Variants in MTCL1 observed in about 807,000 individuals in gnomAD.
MTCL1 encodes the protein microtubule crosslinking factor 1, also known as microtubule cross-linking factor 1.
MTCL1 carries 79 observed loss-of-function variants against 141.4 expected under a neutral mutation model. The observed-to-expected ratio is 0.56, with a 90% CI of 0.47 to 0.67. MTCL1 has a LOEUF of 0.67. MTCL1 is among the 30% of genes least tolerant of loss of function. MTCL1 has a pLI of 0.00. For missense variants in MTCL1, 2,177 were observed against 2,113.9 expected (o/e 1.03, Z -0.59); for synonymous variants, 914 against 875.8 (o/e 1.04, Z -0.77).
At chr18:8,775,301 T>C (rs1483818389) in intron 4 of MTCL1, among the ~76,000 whole-genome samples, 1 of 151,336 alleles carries the variant, frequency 6.6e-6, no homozygotes, top group African/African-American at 2.4e-5. Context: ...CCGGGCACGG[T>C]GGCTCAATCC....
At chr18:8,729,046 C>T (rs917403871) in intron 4 of MTCL1, among the ~76,000 whole-genome samples, 1 of 149,580 alleles carries the variant, frequency 6.7e-6, no homozygotes, top group African/African-American at 2.5e-5. Context: ...GGATTGCTTG[C>T]TTATTGTACT....
In MTCL1 at chr18:8,825,559, A is replaced by C. The variant is rs764920074; in HGVS notation, c.4049A>C (p.Lys1350Thr). 4 of 1,612,716 alleles carry C rather than the reference A, an allele frequency of 2.5e-6. No homozygotes were observed. In the African/African-American group the frequency reaches 4.0e-5, roughly 16 times the overall value. ...AGCCCCCACAAGTGTCTCACTCCAA[A>C]GGCTGGGGGCGGTGCTACACCCGTG... The change falls in exon 15 of 17, where the codon AAG (lysine) becomes ACG (threonine). Residue 1350 changes from lysine to threonine, a missense_variant. Physicochemically the swap from Lys to Thr is moderately conservative, Grantham distance 78. Transcript: ENST00000359865.
intron 4 of MTCL1, among the ~76,000 whole-genome samples, chr18:8,737,739 A>C (rs1357867260): frequency 6.6e-6 from 1 of 152,128 alleles, no homozygotes; most frequent in Non-Finnish European, 1.5e-5. Context: ...GTAGCCCTTG[A>C]CTACTTTCAG....
chr18:8,732,958 C>CA (rs2096258304), intron 4 of MTCL1, among the ~76,000 whole-genome samples: 1 of 152,374 alleles, frequency 6.6e-6, no homozygotes, highest in South Asian at 2.1e-4. Flanking sequence ...TGAACGTAGA[C>CA]ACTGTTCATC....
chr18:8,772,843 C>T (rs1266437220), intron 4 of MTCL1, among the ~76,000 whole-genome samples: 1 of 151,712 alleles, frequency 6.6e-6, no homozygotes, highest in African/African-American at 2.4e-5. Context: ...AACATGAGGA[C>T]TATAATGAGT....
chr18:8,760,958 A>G (rs2096429210), intron 4 of MTCL1, among the ~76,000 whole-genome samples: 1 of 152,230 alleles, frequency 6.6e-6, no homozygotes, highest in Non-Finnish European at 1.5e-5. Flanking sequence ...TCCAGAGAGA[A>G]GAAACTGCCT....
exon 12 of MTCL1, chr18:8,813,035 G>A: frequency 6.2e-7 from 1 of 1,614,188 alleles, no homozygotes; most frequent in Non-Finnish European, 8.5e-7. Context: ...CTGAGAGCAA[G>A]GGGGCCTTGA....
intron 4 of MTCL1, among the ~76,000 whole-genome samples, chr18:8,762,701 G>A (rs899521423): frequency 1.3e-5 from 2 of 152,222 alleles, no homozygotes; most frequent in African/African-American, 4.8e-5. Flanking sequence ...ACTGATAGCT[G>A]AAAGGGAGGT....
At chr18:8,785,472 C>T (rs1437295312) in intron 6 of MTCL1, among the ~76,000 whole-genome samples, 2 of 152,098 alleles carry the variant, frequency 1.3e-5, no homozygotes, top group African/African-American at 2.4e-5. Context: ...GGAGGGTCTC[C>T]GAGGACTGCT....
intron 10 of MTCL1, 59 bp downstream of exon 9, chr18:8,798,350 G>A: frequency 1.4e-6 from 2 of 1,379,350 alleles, no homozygotes; most frequent in East Asian, 5.8e-5. Context: ...AGGCTCCTAA[G>A]CTGCATTTGG....
At chr18:8,796,094 C>A in intron 8 of MTCL1, 138 bp from the exon 8 acceptor site, 1 of 774,092 alleles carries the variant, frequency 1.3e-6, no homozygotes, top group Non-Finnish European at 2.1e-6. Flanking sequence ...TCAAACTGAA[C>A]TTCTGGGGAC....
chr18:8,801,446 C>G lies in MTCL1; in HGVS notation c.2436+3155C>G, dbSNP rs1203319471. 2.0e-5 allele frequency among the ~76,000 whole-genome samples: 3 copies of G among 152,080 alleles called. No homozygotes were observed. In the South Asian group the frequency reaches 6.2e-4, roughly 32 times the overall value. ...GGCCTCCCCTATAAGGCGTGCTACTCTTTCTGTAAGAGGAACCAGACCAGA... is the reference window on the plus strand; with the variant it reads ...GGCCTCCCCTATAAGGCGTGCTACTGTTTCTGTAAGAGGAACCAGACCAGA... On this transcript the variant is annotated intron_variant, in intron 10 of 16. Coordinates refer to ENST00000359865, the Ensembl canonical transcript of MTCL1.
chr18:8,801,697 C>G (rs2076129594), intron 10 of MTCL1: 1 of 152,250 alleles, frequency 6.6e-6, no homozygotes, highest in Admixed American at 6.5e-5. Flanking sequence ...AAATAAGTCT[C>G]TTCCCTAATG....
intron 8 of MTCL1, among the ~76,000 whole-genome samples, chr18:8,794,727 A>C (rs2075854589): frequency 6.6e-6 from 1 of 152,182 alleles, no homozygotes; most frequent in Admixed American, 6.5e-5. Context: ...ACATGTTTGC[A>C]GTTTTGTTTC....
In MTCL1 at chr18:8,824,834, C is replaced by CT; in HGVS notation, c.3324_3325insT (p.Ile1109TyrfsTer103). 1 of 1,614,154 alleles carries CT rather than the reference C, an allele frequency of 6.2e-7. No homozygotes were observed. Among genetic ancestry groups the CT allele is most frequent in the Non-Finnish European group, 8.5e-7 (1 of 1,180,032 alleles). On this transcript the variant is annotated frameshift_variant, in exon 15 of 17. Coordinates refer to ENST00000359865, the Ensembl canonical transcript of MTCL1. LOFTEE classifies it high-confidence loss of function. Reference sequence around the variant, plus strand: ...CCCTGTCTCCAGACGACCTCAAGTACATCGAGGAGTTCAACAAGAGCTGGG... The same window carrying CT: ...CCCTGTCTCCAGACGACCTCAAGTACTATCGAGGAGTTCAACAAGAGCTGGG...
intron 4 of MTCL1, among the ~76,000 whole-genome samples, chr18:8,729,712 A>G (rs1168768419): frequency 9.9e-5 from 1 of 10,054 alleles, no homozygotes; most frequent in Non-Finnish European, 1.6e-4. Flanking sequence ...ATATATATAT[A>G]TATATATATA....
chr18:8,798,172 C>T, exon 10 of MTCL1: 1 of 1,598,412 alleles, frequency 6.3e-7, no homozygotes, highest in Non-Finnish European at 8.5e-7. Context: ...TGGCCCAGAC[C>T]ACGACAGTGA....
chr18:8,716,599 C>T (rs1282582460), upstream of MTCL1, among the ~76,000 whole-genome samples: 4 of 124,312 alleles, frequency 3.2e-5, no homozygotes. Context: ...TTGTCTGAGG[C>T]TCGGATGTTG....
intron 4 of MTCL1, among the ~76,000 whole-genome samples, chr18:8,775,409 A>G (rs918830591): frequency 8.0e-6 from 1 of 125,242 alleles, no homozygotes; most frequent in African/African-American, 3.3e-5. Flanking sequence ...CGTCTCTACT[A>G]AAAAAAAAAA....
Sources: gnomAD v4.1 joint callset for allele counts (sites outside exome capture counted in the v4.1 genomes callset) on GRCh38, gnomAD v4.1.1 for gene constraint, MANE v1.5 for transcripts, NCBI Gene and HGNC (gene_info 2026-07-23, HGNC 2026-07-21) for gene names.